Variants in CDH11 observed in about 807,000 individuals in gnomAD.
The protein encoded by CDH11 is cadherin-11.
Under a neutral mutation model 67.8 loss-of-function variants are expected in CDH11, and 11 were observed. The ratio of observed to expected loss-of-function variants is 0.16; its 90% CI spans 0.10 to 0.27. The LOEUF is 0.27. Ranked by LOEUF, CDH11 falls within the 10% of genes least tolerant of loss-of-function variation. The probability of loss-of-function intolerance (pLI) is 1.00; values close to 1 mark genes in which losing one functional copy is unlikely to be tolerated. For synonymous variants in CDH11, 419 were observed against 400.0 expected (o/e 1.05, Z -0.57); for missense variants, 847 against 1,031.2 (o/e 0.82, Z 2.45).
intron 11 of CDH11, among the ~76,000 whole-genome samples, chr16:64,957,639 C>CATATAT (rs36077145): frequency 6.1e-5 from 9 of 146,778 alleles, no homozygotes; most frequent in African/African-American, 2.0e-4. Context: ...CACACCCATC[C>CATATAT]ATATATATAT....
At chr16:65,081,653 T>C (rs1437081584) in intron 1 of CDH11, among the ~76,000 whole-genome samples, 1 of 152,060 alleles carries the variant, frequency 6.6e-6, no homozygotes, top group Non-Finnish European at 1.5e-5. Context: ...AAGTATAATG[T>C]TATCTGTCAG....
At chr16:65,048,845 A>C (rs1413730241) in intron 2 of CDH11, among the ~76,000 whole-genome samples, 2 of 152,126 alleles carry the variant, frequency 1.3e-5, no homozygotes, top group African/African-American at 2.4e-5. Flanking sequence ...GAAATACTAC[A>C]CAGCCACAGA....
At chr16:65,032,497 A>C (rs758801367) in intron 2 of CDH11, among the ~76,000 whole-genome samples, 2 of 152,106 alleles carry the variant, frequency 1.3e-5, no homozygotes, top group Non-Finnish European at 2.9e-5. Flanking sequence ...AGACAGAGAG[A>C]GAGAGAGAGA....
At chr16:65,076,055 G>C (rs757798904) in intron 1 of CDH11, among the ~76,000 whole-genome samples, 2 of 152,168 alleles carry the variant, frequency 1.3e-5, no homozygotes, top group Non-Finnish European at 2.9e-5. Flanking sequence ...GAGGGGCTGT[G>C]AGCTGCAGTC....
intron 11 of CDH11, among the ~76,000 whole-genome samples, chr16:64,963,979 A>G (rs535741043): frequency 6.6e-6 from 1 of 152,346 alleles, no homozygotes; most frequent in Admixed American, 6.5e-5. Flanking sequence ...AGGGAAGAAC[A>G]TGGGTCAGAA....
At chr16:65,020,635 A>C (rs1366421290) in intron 2 of CDH11, among the ~76,000 whole-genome samples, 1 of 152,088 alleles carries the variant, frequency 6.6e-6, no homozygotes, top group Admixed American at 6.6e-5. Flanking sequence ...GAGCCCCAAT[A>C]ATCTTTAAAA....
At chr16:65,100,844 T>C (rs1040963754) in intron 1 of CDH11, among the ~76,000 whole-genome samples, 1 of 152,040 alleles carries the variant, frequency 6.6e-6, no homozygotes, top group African/African-American at 2.4e-5. Context: ...AGAATGGCAA[T>C]TCACTGGTGA....
At chr16:65,077,732 T>G (rs1394770100) in intron 1 of CDH11, among the ~76,000 whole-genome samples, 1 of 152,228 alleles carries the variant, frequency 6.6e-6, no homozygotes, top group African/African-American at 2.4e-5. Context: ...GCTATAGGAC[T>G]CAGAAGTATC....
intron 2 of CDH11, among the ~76,000 whole-genome samples, chr16:65,014,974 G>C (rs2073268154): frequency 6.6e-6 from 1 of 151,014 alleles, no homozygotes; most frequent in African/African-American, 2.4e-5. Context: ...TCCTGCCTCA[G>C]CCTCCTGAGA....
At chr16:65,090,820 C>G (rs1025059681) in intron 1 of CDH11, among the ~76,000 whole-genome samples, 1 of 152,136 alleles carries the variant, frequency 6.6e-6, no homozygotes, top group Non-Finnish European at 1.5e-5. Flanking sequence ...GGTGTGATGA[C>G]TAATTCATCA....
intron 8 of CDH11, among the ~76,000 whole-genome samples, chr16:64,974,274 G>A (rs1199096418): frequency 2.0e-5 from 3 of 152,106 alleles, no homozygotes; most frequent in South Asian, 2.1e-4. Context: ...CAGGTAGTAC[G>A]CTGAGCTTCA....
chr16:65,055,420 C>G (rs2074126275), intron 1 of CDH11, among the ~76,000 whole-genome samples: 1 of 152,188 alleles, frequency 6.6e-6, no homozygotes, highest in East Asian at 1.9e-4. Flanking sequence ...CGGTATTTGC[C>G]TTTTTATGTA....
At position 65,103,643 on chromosome 16, in the gene CDH11, T is replaced by C. The variant is rs2142863787; in HGVS notation, c.-298+18237A>G. On this transcript the variant is annotated intron_variant, in intron 1 of 12. Transcript: ENST00000268603. ...GTGTCTTCCTCACCAATAGTAGTTT[T>C]TAAAAACTGTGTATAAATATATTCT... Among the ~76,000 whole-genome samples, 3 of 152,300 alleles carry C rather than the reference T, an allele frequency of 2.0e-5. 1 individual carries two copies. In the Middle Eastern group the frequency reaches 0.01, roughly 518 times the overall value.
chr16:65,004,487 CAT>C (rs1480990796), intron 3 of CDH11, among the ~76,000 whole-genome samples, 153 bp downstream of exon 3: 4 of 152,164 alleles, frequency 2.6e-5, no homozygotes, highest in Non-Finnish European at 4.4e-5. Context: ...TCTGGAATAA[CAT>C]ATTATGTACA....
intron 11 of CDH11, among the ~76,000 whole-genome samples, chr16:64,967,517 A>G (rs1372038410): frequency 6.6e-6 from 1 of 152,162 alleles, no homozygotes; most frequent in Non-Finnish European, 1.5e-5. Context: ...GAATAATTAG[A>G]TATTTGGCGA....
chr16:65,015,834 T>C (rs1277650636), intron 2 of CDH11, among the ~76,000 whole-genome samples: 2 of 152,228 alleles, frequency 1.3e-5, no homozygotes, highest in Non-Finnish European at 2.9e-5. Flanking sequence ...AGACAAGGGC[T>C]TGATGTGGTC....
chr16:64,951,048 C>T (rs369835570), intron 11 of CDH11, 30 bp from the exon 12 acceptor site: 148 of 1,602,580 alleles, frequency 9.2e-5, no homozygotes, highest in Non-Finnish European at 1.2e-4. Flanking sequence ...AGGCCGTGCG[C>T]CCAGTCAAGA....
At position 64,946,010 on chromosome 16, in the gene CDH11, G is replaced by C. The variant is rs2142359385; in HGVS notation, c.*1593C>G. 9.4e-7 allele frequency: 1 copy of C among 1,058,472 alleles called. No individual in the cohort carries two copies. Among genetic ancestry groups the C allele is most frequent in the African/African-American group, 1.6e-5 (1 of 60,808 alleles). 65.6% of individuals were successfully genotyped at this position (1,058,472 alleles called of 1,614,324 possible). Reference sequence around the variant, plus strand: ...AACAGGTGAAATGCCCTTCACATAAGTTTCAATCCCCAAGAAACTAGCTGG... The same window carrying C: ...AACAGGTGAAATGCCCTTCACATAACTTTCAATCCCCAAGAAACTAGCTGG... On this transcript the variant is annotated 3_prime_UTR_variant, in exon 13 of 13. Transcript: ENST00000268603.
chr16:65,090,689 T>C (rs539045322), intron 1 of CDH11, among the ~76,000 whole-genome samples: 1 of 152,356 alleles, frequency 6.6e-6, no homozygotes, highest in African/African-American at 2.4e-5. Context: ...TATTCTTACT[T>C]CATTTAATTT....
Sources: allele counts gnomAD v4.1 joint callset (sites outside exome capture counted in the v4.1 genomes callset), GRCh38; gene constraint gnomAD v4.1.1; transcripts MANE v1.5; gene names NCBI Gene and HGNC (gene_info 2026-07-23, HGNC 2026-07-21).